HMGCLL1: variants seen among roughly 807,000 people sequenced by gnomAD.
HMGCLL1 encodes the protein 3-hydroxymethyl-3-methylglutaryl-CoA lyase, cytoplasmic.
In HMGCLL1, 36 loss-of-function variants were observed where a neutral mutation model predicts 39.1. The observed-to-expected ratio is 0.92, with a 90% confidence interval of 0.71 to 1.22. The LOEUF (loss-of-function observed/expected upper bound fraction) is 1.22. Among genes scored for constraint, HMGCLL1 ranks in the 50% most tolerant of loss-of-function variants. HMGCLL1 has a pLI of 0.00. For synonymous variants in HMGCLL1, 149 were observed against 144.0 expected, an observed-to-expected ratio of 1.03 and a Z score of -0.25; for missense variants, 451 against 416.5, an observed-to-expected ratio of 1.08 and a Z score of -0.72.
At chr6:55,550,096 C>A (rs1770242001) in intron 1 of HMGCLL1, among the ~76,000 whole-genome samples, 1 of 151,846 alleles carries the variant, frequency 6.6e-6, no homozygotes, top group East Asian at 1.9e-4. Context: ...GATATGTGAA[C>A]AGTGTTTTAT....
intron 7 of HMGCLL1, among the ~76,000 whole-genome samples, chr6:55,492,611 C>T (rs913693093): frequency 1.6e-4 from 24 of 152,216 alleles, no homozygotes; most frequent in Non-Finnish European, 7.3e-5. Context: ...CAGCTGATGG[C>T]GGAAAAGACA....
chr6:55,481,313 G>A (rs1765731445), intron 7 of HMGCLL1, among the ~76,000 whole-genome samples: 1 of 151,992 alleles, frequency 6.6e-6, no homozygotes, highest in Non-Finnish European at 1.5e-5. Context: ...GGGAGGTTGA[G>A]GCTGCAGTGA....
At chr6:55,541,177 G>GA (rs965228783) in intron 3 of HMGCLL1, among the ~76,000 whole-genome samples, 3 of 152,106 alleles carry the variant, frequency 2.0e-5, no homozygotes, top group African/African-American at 4.8e-5. Context: ...CCACATGCCT[G>GA]AAAACCCTAG....
intron 7 of HMGCLL1, among the ~76,000 whole-genome samples, chr6:55,463,692 C>A (rs1032440294): frequency 1.3e-5 from 2 of 152,044 alleles, no homozygotes; most frequent in Non-Finnish European, 2.9e-5. Flanking sequence ...TCTAGTAACC[C>A]CTAGGCATCT....
intron 5 of HMGCLL1, chr6:55,513,774 C>T (rs1767588888): frequency 2.2e-6 from 1 of 454,068 alleles, no homozygotes; most frequent in African/African-American, 2.1e-5. Context: ...CATTTGGGTG[C>T]TAGAGTGTTA....
chr6:55,632,933 C>T, the HMGCLL1 span, among the ~76,000 whole-genome samples: 497 of 152,198 alleles, frequency 3.3e-3, 5 homozygotes, highest in Middle Eastern at 0.01. Flanking sequence ...AATGAGGAAA[C>T]CACATAAAGC....
intron 7 of HMGCLL1, among the ~76,000 whole-genome samples, chr6:55,457,714 T>G (rs149653737): frequency 6.6e-6 from 1 of 152,312 alleles, no homozygotes; most frequent in African/African-American, 2.4e-5. Context: ...TGTGTTGGCT[T>G]TATTCTTTCA....
chr6:55,506,731 A>T (rs1402036721), intron 5 of HMGCLL1, among the ~76,000 whole-genome samples: 1 of 151,720 alleles, frequency 6.6e-6, no homozygotes, highest in East Asian at 1.9e-4. Context: ...TATTTTACTT[A>T]ATGATGGACC....
At chr6:55,523,026 CA>C (rs1768115088) in intron 3 of HMGCLL1, among the ~76,000 whole-genome samples, 1 of 151,738 alleles carries the variant, frequency 6.6e-6, no homozygotes, top group Non-Finnish European at 1.5e-5. Flanking sequence ...ATAACTTGAC[CA>C]CCTCTCTTAG....
chr6:55,642,882 A>G, the HMGCLL1 span, among the ~76,000 whole-genome samples: 2 of 152,104 alleles, frequency 1.3e-5, no homozygotes, highest in East Asian at 1.9e-4. Flanking sequence ...ATAAGTGAGA[A>G]TATGCAACAT....
At chr6:55,669,049 A>G in the HMGCLL1 span, among the ~76,000 whole-genome samples, 1 of 151,648 alleles carries the variant, frequency 6.6e-6, no homozygotes, top group African/African-American at 2.4e-5. Flanking sequence ...ATTTCTGGCC[A>G]AAGTACCAAC....
the HMGCLL1 span, among the ~76,000 whole-genome samples, chr6:55,665,430 A>G: frequency 6.6e-6 from 1 of 151,700 alleles, no homozygotes; most frequent in African/African-American, 2.4e-5. Context: ...ATTTAAGTGC[A>G]CACATTTTCA....
chr6:55,507,887 C>A (rs1288283080), intron 5 of HMGCLL1, among the ~76,000 whole-genome samples: 1 of 151,826 alleles, frequency 6.6e-6, no homozygotes, highest in African/African-American at 2.4e-5. Context: ...CCAAACTAAT[C>A]TTGCCTTTTT....
At chr6:55,471,191 G>A (rs1181841313) in intron 7 of HMGCLL1, among the ~76,000 whole-genome samples, 1 of 151,582 alleles carries the variant, frequency 6.6e-6, no homozygotes, top group Admixed American at 6.6e-5. Flanking sequence ...TTTATTCTTC[G>A]ATAACTTGCT....
At chr6:55,648,531 G>A in the HMGCLL1 span, among the ~76,000 whole-genome samples, 10 of 80,852 alleles carry the variant, frequency 1.2e-4, no homozygotes, top group Non-Finnish European at 2.4e-4. Flanking sequence ...TGATAAAGGG[G>A]ATATCACCAC....
Position 55,578,969 on chromosome 6 carries a change from T to C in HMGCLL1, c.87A>G (p.Ala29=), listed in dbSNP as rs1398990898. 2 of 1,613,226 alleles carry C rather than the reference T, an allele frequency of 1.2e-6. No homozygotes were observed. The highest frequency in any genetic ancestry group is 1.7e-6 in the Non-Finnish European group (2 of 1,179,650). ...GTACCTGCGCGGGGTCGAGCGCCCC[T>C]GCCACTGAATCCCCGATCCAGAGAT... The part of the protein sequence containing the change: ...REHLWIGDSV[A]GALDPAQETS... Residue 29 remains alanine (A), a synonymous_variant, in exon 1 of 9, where the codon GCA becomes GCG. Coordinates refer to ENST00000274901, the MANE Select transcript of HMGCLL1 (RefSeq NM_001042406.2).
At chr6:55,481,795 T>C (rs917977032) in intron 7 of HMGCLL1, among the ~76,000 whole-genome samples, 22 of 149,756 alleles carry the variant, frequency 1.5e-4, no homozygotes, top group African/African-American at 5.3e-4. Context: ...CTTATCTATC[T>C]ATCTACCTAC....
At chr6:55,499,730 G>T (rs143145401) in intron 5 of HMGCLL1, among the ~76,000 whole-genome samples, 2,187 of 152,080 alleles carry the variant, frequency 0.014, 29 homozygotes, top group Non-Finnish European at 0.024. Flanking sequence ...CTCCCATCTG[G>T]ATATTTTGGC....
chr6:55,514,081 T>G lies in HMGCLL1; in HGVS notation c.509A>C (p.Lys170Thr). 6.2e-7 allele frequency: 1 copy of G among 1,613,362 alleles called. No homozygotes were observed. The highest frequency in any genetic ancestry group is 8.5e-7 in the Non-Finnish European group (1 of 1,179,654). The change falls in exon 5 of 9, where the codon AAG becomes ACG. Residue 170 changes from lysine to threonine, a missense_variant. Coordinates refer to ENST00000274901, the MANE Select transcript of HMGCLL1 (RefSeq NM_001042406.2). ...ESMGKFEEVV[K>T]SARHMNIPAR... ...TGGAATATTCATGTGTCTTGCAGAC[T>G]TAACAACCTCCTCAAATTTTCCCAT...
Sources: gnomAD v4.1 joint callset for allele counts (sites outside exome capture counted in the v4.1 genomes callset) on GRCh38, gnomAD v4.1.1 for gene constraint, MANE v1.5 for transcripts, NCBI Gene and HGNC (gene_info 2026-07-23, HGNC 2026-07-21) for gene names.